The following COL21A1 variants were observed in gnomAD, a reference collection of about 807,000 sequenced individuals.
The protein encoded by COL21A1 is collagen type XXI alpha 1 chain.
In COL21A1, 149 loss-of-function variants were observed where a neutral mutation model predicts 137.9. That is an observed-to-expected ratio of 1.08 (90% CI 0.95 to 1.24). The LOEUF is 1.24. Among genes scored for constraint, COL21A1 ranks in the 50% most tolerant of loss-of-function variants. The pLI is 0.00. For missense variants in COL21A1, 1,167 were observed against 1,158.4 expected (o/e 1.01, Z -0.11); for synonymous variants, 456 against 391.5 (o/e 1.16, Z -1.95).
chr6:56,097,774 T>C (rs1004635441), intron 17 of COL21A1, among the ~76,000 whole-genome samples: 1 of 117,148 alleles, frequency 8.5e-6, no homozygotes, highest in South Asian at 2.5e-4. Flanking sequence ...TAAATATATA[T>C]AAATATATAA....
intron 1 of COL21A1, among the ~76,000 whole-genome samples, chr6:56,233,817 T>C (rs1352277899): frequency 6.7e-6 from 1 of 148,414 alleles, no homozygotes; most frequent in Non-Finnish European, 1.5e-5. Context: ...ATCCTAAGTG[T>C]TTGGGGGAGA....
chr6:56,275,811 T>G (rs1763632994), intron 1 of COL21A1, among the ~76,000 whole-genome samples: 1 of 152,212 alleles, frequency 6.6e-6, no homozygotes, highest in African/African-American at 2.4e-5. Flanking sequence ...GAAAGGAGTT[T>G]GGAGATTTGT....
intron 1 of COL21A1, among the ~76,000 whole-genome samples, chr6:56,255,057 C>T (rs1453833145): frequency 1.3e-5 from 2 of 152,020 alleles, no homozygotes; most frequent in East Asian, 3.9e-4. Flanking sequence ...ATACAGGTCA[C>T]TTCAATTAAA....
chr6:56,148,838 A>C (rs1356458307), intron 10 of COL21A1, among the ~76,000 whole-genome samples: 2 of 152,152 alleles, frequency 1.3e-5, no homozygotes, highest in Non-Finnish European at 2.9e-5. Flanking sequence ...AGTTCAGTGA[A>C]TCTTCCCTCA....
At chr6:56,255,470 T>C (rs1178189162) in intron 1 of COL21A1, among the ~76,000 whole-genome samples, 1 of 152,088 alleles carries the variant, frequency 6.6e-6, no homozygotes, top group Non-Finnish European at 1.5e-5. Context: ...TATCAGATGC[T>C]ATCTCTAGAA....
At chr6:56,286,212 A>C (rs1459561472) in intron 1 of COL21A1, among the ~76,000 whole-genome samples, 2 of 152,178 alleles carry the variant, frequency 1.3e-5, no homozygotes. Flanking sequence ...CCATAAAATG[A>C]ATTGAGGAAA....
chr6:56,284,773 A>G (rs1763865370), intron 1 of COL21A1, among the ~76,000 whole-genome samples: 1 of 152,192 alleles, frequency 6.6e-6, no homozygotes, highest in Non-Finnish European at 1.5e-5. Context: ...TAGAAGGTTC[A>G]TCTTCCAGCT....
intron 1 of COL21A1, among the ~76,000 whole-genome samples, chr6:56,216,737 C>G (rs960677834): frequency 3.9e-5 from 6 of 152,066 alleles, no homozygotes; most frequent in Non-Finnish European, 7.4e-5. Flanking sequence ...CCTGACATAT[C>G]TTTTTACTCA....
At chr6:56,123,292 T>C (rs1772711675) in intron 16 of COL21A1, among the ~76,000 whole-genome samples, 1 of 152,244 alleles carries the variant, frequency 6.6e-6, no homozygotes, top group African/African-American at 2.4e-5. Flanking sequence ...AGGTTACTAC[T>C]GTCTTAGGAA....
At position 56,370,016 on chromosome 6, in the gene COL21A1, G is replaced by A. The variant is rs1204670589; in HGVS notation, c.-39+23955C>T. 5.9e-5 allele frequency among the ~76,000 whole-genome samples: 9 copies of A among 152,104 alleles called. No individual in the cohort carries two copies. The East Asian group carries it at 1.2e-3, about 19-fold the overall frequency. ...TAATTATTCAAAAATATATGCTTAC[G>A]TGTAAACATAAGCTAGAAAAAGACT... On this transcript the variant is annotated intron_variant, in intron 1 of 28. Transcript: ENST00000370819.
At chr6:56,058,507 C>T (rs1276833739) in intron 29 of COL21A1, among the ~76,000 whole-genome samples, 1 of 152,152 alleles carries the variant, frequency 6.6e-6, no homozygotes, top group Non-Finnish European at 1.5e-5. Flanking sequence ...TGGGCCACTT[C>T]TTACTCCTCT....
At chr6:56,163,078 A>C (rs1477493235) in intron 9 of COL21A1, among the ~76,000 whole-genome samples, 2 of 152,206 alleles carry the variant, frequency 1.3e-5, no homozygotes, top group Admixed American at 6.5e-5. Flanking sequence ...TGAATAGAAA[A>C]ACATACATAA....
intron 12 of COL21A1, among the ~76,000 whole-genome samples, chr6:56,133,801 G>T (rs1245235943): frequency 1.3e-5 from 2 of 152,210 alleles, no homozygotes; most frequent in East Asian, 1.9e-4. Flanking sequence ...GCTTCAGAGG[G>T]TGCAGGCCCC....
At chr6:56,150,461 T>C (rs958579827) in intron 10 of COL21A1, among the ~76,000 whole-genome samples, 1 of 150,454 alleles carries the variant, frequency 6.6e-6, no homozygotes, top group Non-Finnish European at 1.5e-5. Context: ...GAGCTTGCAG[T>C]GAGCCGAGAG....
intron 1 of COL21A1, among the ~76,000 whole-genome samples, chr6:56,202,036 G>A (rs140988205): frequency 1.8e-3 from 275 of 152,060 alleles, no homozygotes; most frequent in Non-Finnish European, 3.4e-3. Context: ...AAAAAGTTCA[G>A]AATCAAAGGA....
At chr6:56,326,416 T>C (rs990192299) in intron 1 of COL21A1, among the ~76,000 whole-genome samples, 1 of 151,824 alleles carries the variant, frequency 6.6e-6, no homozygotes, top group Non-Finnish European at 1.5e-5. Context: ...AGGATAATAA[T>C]GATTCCCCAC....
At chr6:56,228,450 T>C (rs1449013486) in intron 1 of COL21A1, among the ~76,000 whole-genome samples, 1 of 151,778 alleles carries the variant, frequency 6.6e-6, no homozygotes. Flanking sequence ...TAGATAGTGA[T>C]GTCTTTCCCT....
intron 20 of COL21A1, 59 bp from the exon 21 acceptor site, chr6:56,070,857 G>T: frequency 8.1e-7 from 1 of 1,231,344 alleles, no homozygotes; most frequent in Non-Finnish European, 1.1e-6. Context: ...TAATATATCT[G>T]ATATAGACAC....
At chr6:56,361,778 G>GGT (rs141505238) in intron 1 of COL21A1, among the ~76,000 whole-genome samples, 112 of 151,064 alleles carry the variant, frequency 7.4e-4, no homozygotes, top group African/African-American at 2.2e-3. Flanking sequence ...GTGTGTGTGT[G>GGT]GTGTGTGTGT....
Sources: gnomAD v4.1 joint callset for allele counts (sites outside exome capture counted in the v4.1 genomes callset) on GRCh38, gnomAD v4.1.1 for gene constraint, MANE v1.5 for transcripts, NCBI Gene and HGNC (gene_info 2026-07-23, HGNC 2026-07-21) for gene names.